CUBN: variants seen among roughly 807,000 people sequenced by gnomAD.
CUBN encodes the protein cubilin.
Under a neutral mutation model 405.3 loss-of-function variants are expected in CUBN, and 282 were observed. The ratio of observed to expected loss-of-function variants is 0.70; its 90% confidence interval spans 0.63 to 0.77. The LOEUF (loss-of-function observed/expected upper bound fraction) is 0.77, where lower values mean the gene tolerates loss of function less well. Among genes scored for constraint, CUBN ranks in the 30% least tolerant of loss-of-function variants. The pLI is 0.00. For synonymous variants in CUBN, 1,684 were observed against 1,617.0 expected (o/e 1.04, Z -0.99); for missense variants, 4,514 against 4,475.2 (o/e 1.01, Z -0.25).
chr10:17,045,334 T>C, intron 24 of CUBN, 146 bp from the exon 25 acceptor site: 1 of 753,592 alleles, frequency 1.3e-6, no homozygotes, highest in Non-Finnish European at 2.2e-6. Context: ...AGTTATAGCC[T>C]AAAAATCCAA....
rs17139707 is a variant in CUBN, at chr10:17,046,303, T to A, written c.3330-209A>T. 0.14 allele frequency among the ~76,000 whole-genome samples: 21,639 copies of A among 152,156 alleles called. 1,747 individuals are homozygous for A. Among genetic ancestry groups the A allele is most frequent in the Middle Eastern group, 0.29 (85 of 294 alleles). On this transcript the variant is annotated intron_variant, in intron 23 of 66. Coordinates refer to ENST00000377833, the MANE Select transcript of CUBN (RefSeq NM_001081.4). Reference sequence around the variant, plus strand: ...TGAATGACTTAACAAAGAATAACCATCATTCATAGCTGGTATGGTGTTTTA... The same window carrying A: ...TGAATGACTTAACAAAGAATAACCAACATTCATAGCTGGTATGGTGTTTTA...
In CUBN at chr10:16,848,183, C is replaced by T. The variant is rs535293364; in HGVS notation, c.9663+3052G>A. On this transcript the variant is annotated intron_variant, in intron 60 of 66. Coordinates refer to ENST00000377833, the MANE Select transcript of CUBN (RefSeq NM_001081.4). The stretch of plus-strand genomic sequence containing the variant: ...TGAATTGCGGAAATTCAGACAATGA[C>T]AGGCTGTTTTGATGACATTATCAAA... 2.6e-5 allele frequency among the ~76,000 whole-genome samples: 4 copies of T among 152,304 alleles called. No individual in the cohort carries two copies. In the East Asian group the frequency reaches 5.8e-4, roughly 22 times the overall value.
intron 27 of CUBN, among the ~76,000 whole-genome samples, chr10:17,025,507 C>T (rs1834636162): frequency 6.6e-6 from 1 of 152,178 alleles, no homozygotes; most frequent in Non-Finnish European, 1.5e-5. Flanking sequence ...TTGTTGCCAA[C>T]AGCAAATGAG....
chr10:17,121,019 G>T (rs1043896877), intron 6 of CUBN, among the ~76,000 whole-genome samples: 1 of 152,136 alleles, frequency 6.6e-6, no homozygotes, highest in Admixed American at 6.6e-5. Flanking sequence ...ATGGGTTCAC[G>T]GAAATGAGAG....
intron 59 of CUBN, among the ~76,000 whole-genome samples, chr10:16,860,693 A>C (rs1180601497): frequency 6.6e-6 from 1 of 152,240 alleles, no homozygotes; most frequent in Non-Finnish European, 1.5e-5. Flanking sequence ...CAGAAACCTT[A>C]GGAGCATTAT....
Position 16,828,979 on chromosome 10 carries a change from T to A in CUBN, c.10590A>T (p.Thr3530=). The A allele has an allele frequency of 3.1e-6, 5 of 1,614,208 alleles. No homozygotes were observed. The highest frequency in any genetic ancestry group is 4.2e-6 in the Non-Finnish European group (5 of 1,180,044). ...ACTCGCAGTACGTGTTGTTTGGGTA[T>A]GTGCCTGGATAGCCGGGGCTGGTGA... The part of the protein sequence containing the change: ...GSFTSPGYPG[T]YPNNTYCEWV... Residue 3530 remains threonine, a synonymous_variant, in exon 66 of 67, where the codon ACA becomes ACT. Coordinates refer to ENST00000377833, the MANE Select transcript of CUBN (RefSeq NM_001081.4).
At chr10:17,065,140 C>CAA (rs1554816065) in intron 22 of CUBN, among the ~76,000 whole-genome samples, 1 of 135,276 alleles carries the variant, frequency 7.4e-6, no homozygotes, top group South Asian at 2.3e-4. Context: ...CCCCCCCCCC[C>CAA]CACACACACA....
intron 31 of CUBN, among the ~76,000 whole-genome samples, chr10:16,969,161 G>A (rs1458784401): frequency 6.6e-6 from 1 of 152,218 alleles, no homozygotes; most frequent in Non-Finnish European, 1.5e-5. Context: ...AGTGAACTCA[G>A]TACAGCACAT....
At chr10:16,848,801 A>AG (rs1327029969) in intron 60 of CUBN, among the ~76,000 whole-genome samples, 2 of 138,796 alleles carry the variant, frequency 1.4e-5, no homozygotes, top group African/African-American at 2.6e-5. Flanking sequence ...TTCTGGGTTC[A>AG]GGGGATCCTT....
chr10:17,024,869 A>G (rs1483385911), intron 27 of CUBN, among the ~76,000 whole-genome samples: 1 of 152,190 alleles, frequency 6.6e-6, no homozygotes, highest in Non-Finnish European at 1.5e-5. Flanking sequence ...TTTTAGATTG[A>G]CATCTAATTC....
At chr10:16,983,916 T>C (rs1396049858) in intron 30 of CUBN, among the ~76,000 whole-genome samples, 189 bp downstream of exon 30, 1 of 152,230 alleles carries the variant, frequency 6.6e-6, no homozygotes, top group Non-Finnish European at 1.5e-5. Context: ...TTCACATATG[T>C]GGTGACCCTT....
chr10:17,026,631 C>CA (rs35071026), intron 27 of CUBN, among the ~76,000 whole-genome samples: 54,358 of 133,988 alleles, frequency 0.41, 10,216 homozygotes, highest in Middle Eastern at 0.55. Flanking sequence ...AAGATTCTCT[C>CA]AAAAAAAAAA....
chr10:16,902,229 A>G lies in CUBN; in HGVS notation c.8063-770T>C, dbSNP rs1252514952. Among the ~76,000 whole-genome samples, 8 of 135,158 alleles carry G rather than the reference A, an allele frequency of 5.9e-5. No homozygotes were observed. In the East Asian group the frequency reaches 6.1e-4, roughly 10 times the overall value. 88.7% of individuals were successfully genotyped at this position (135,158 alleles called of 152,430 possible). A position where few individuals can be genotyped will look rare whatever the true frequency, so the allele number is the denominator to read the frequency against. On this transcript the variant is annotated intron_variant, in intron 51 of 66. Transcript: ENST00000377833. ...ATTTATATATATAGTATATATATGT[A>G]TATATATACTATATATATTTGTATA... is the stretch of plus-strand genomic sequence containing the variant.
intron 50 of CUBN, among the ~76,000 whole-genome samples, chr10:16,905,017 A>G (rs1841517877): frequency 6.6e-6 from 1 of 152,118 alleles, no homozygotes; most frequent in South Asian, 2.1e-4. Flanking sequence ...CTTCCTGAAA[A>G]TTCTGTCGCT....
At chr10:16,898,300 G>A (rs1346796791) in intron 54 of CUBN, among the ~76,000 whole-genome samples, 1 of 152,046 alleles carries the variant, frequency 6.6e-6, no homozygotes, top group Non-Finnish European at 1.5e-5. Context: ...AAGGAATCAT[G>A]CTCTTCATTC....
chr10:17,084,005 C>G (rs1836034529), intron 17 of CUBN, among the ~76,000 whole-genome samples: 1 of 152,164 alleles, frequency 6.6e-6, no homozygotes, highest in South Asian at 2.1e-4. Context: ...CTAGCTGGGT[C>G]ATCTGGGCAA....
At chr10:16,994,548 G>A (rs1287105562) in intron 28 of CUBN, among the ~76,000 whole-genome samples, 1 of 152,174 alleles carries the variant, frequency 6.6e-6, no homozygotes, top group East Asian at 1.9e-4. Flanking sequence ...AAGGGAAAAA[G>A]AGATGGAGAA....
intron 59 of CUBN, among the ~76,000 whole-genome samples, chr10:16,866,349 C>G (rs1840182829): frequency 6.6e-6 from 1 of 152,226 alleles, no homozygotes; most frequent in African/African-American, 2.4e-5. Context: ...ACTGGAGGCT[C>G]TGATGGTTAA....
chr10:17,018,408 G>A (rs569394869), intron 28 of CUBN, among the ~76,000 whole-genome samples: 35 of 152,076 alleles, frequency 2.3e-4, no homozygotes, highest in African/African-American at 6.0e-4. Flanking sequence ...TGGTGTGTCC[G>A]GATTTTGTTT....
Sources: gnomAD v4.1 joint callset for allele counts (sites outside exome capture counted in the v4.1 genomes callset) on GRCh38, gnomAD v4.1.1 for gene constraint, MANE v1.5 for transcripts, NCBI Gene and HGNC (gene_info 2026-07-23, HGNC 2026-07-21) for gene names.